Variants in OLFM3 observed in about 807,000 individuals in gnomAD.
OLFM3 encodes olfactomedin 3.
A neutral mutation model predicts 48.6 loss-of-function variants in OLFM3; 20 were observed. The ratio of observed to expected loss-of-function variants is 0.41; its 90% CI spans 0.29 to 0.60. The LOEUF is 0.60. Ranked by LOEUF, OLFM3 falls within the 20% of genes least tolerant of loss-of-function variation. OLFM3 has a pLI of 0.28. For missense variants in OLFM3, 437 were observed against 544.3 expected (o/e 0.80, Z 1.96); for synonymous variants, 222 against 198.1 (o/e 1.12, Z -1.01).
intron 1 of OLFM3, among the ~76,000 whole-genome samples, chr1:101,988,755 G>A (rs1186654055): frequency 6.6e-6 from 1 of 152,024 alleles, no homozygotes; most frequent in Non-Finnish European, 1.5e-5. Context: ...CACTGAACCT[G>A]CCCTTATAAT....
chr1:101,996,303 G>A (rs745769013), intron 1 of OLFM3, among the ~76,000 whole-genome samples: 1 of 152,132 alleles, frequency 6.6e-6, no homozygotes, highest in African/African-American at 2.4e-5. Flanking sequence ...GCACGTCTGC[G>A]ATGGGAGTAT....
At chr1:101,812,829 GT>G in intron 4 of OLFM3, 2 of 991,662 alleles carry the variant, frequency 2.0e-6, no homozygotes, top group Non-Finnish European at 2.4e-6. Context: ...TTTGTACCTG[GT>G]TTTGTGAGGA....
chr1:101,987,782 AG>A (rs1661289388), intron 1 of OLFM3, among the ~76,000 whole-genome samples: 1 of 152,124 alleles, frequency 6.6e-6, no homozygotes, highest in African/African-American at 2.4e-5. Context: ...AAAAATTAAT[AG>A]GCTTGTCTAT....
At chr1:101,845,178 C>A (rs1199142533) in intron 1 of OLFM3, among the ~76,000 whole-genome samples, 3 of 151,224 alleles carry the variant, frequency 2.0e-5, no homozygotes, top group African/African-American at 7.3e-5. Flanking sequence ...TTATTATTTT[C>A]TTATTATTAT....
chr1:101,987,517 A>G (rs879934022), intron 1 of OLFM3, among the ~76,000 whole-genome samples: 4 of 152,174 alleles, frequency 2.6e-5, no homozygotes, highest in Non-Finnish European at 4.4e-5. Context: ...ACTTACGTAC[A>G]TGTAAAAATA....
chr1:101,856,837 G>A (rs1570567241), intron 1 of OLFM3, among the ~76,000 whole-genome samples: 1 of 152,046 alleles, frequency 6.6e-6, no homozygotes, highest in Middle Eastern at 3.4e-3. Flanking sequence ...CAGAATACAA[G>A]TGATTATGTA....
intron 1 of OLFM3, among the ~76,000 whole-genome samples, chr1:101,889,960 C>A (rs1470326785): frequency 6.6e-6 from 1 of 151,858 alleles, no homozygotes; most frequent in Non-Finnish European, 1.5e-5. Flanking sequence ...ATATTGTAAT[C>A]CATATTATAT....
intron 1 of OLFM3, chr1:101,837,560 A>C (rs1185250908): frequency 2.0e-5 from 3 of 152,146 alleles, no homozygotes; most frequent in Non-Finnish European, 1.5e-5. Flanking sequence ...TTAGACCAGC[A>C]CTATTTTGCA....
chr1:101,985,965 A>ATTT (rs397973710), intron 1 of OLFM3, among the ~76,000 whole-genome samples: 8 of 134,924 alleles, frequency 5.9e-5, no homozygotes, highest in Non-Finnish European at 8.0e-5. Context: ...GATGAACTAC[A>ATTT]TTTTTTTTTT....
At chr1:101,940,708 A>ATG (rs1659766876) in intron 1 of OLFM3, among the ~76,000 whole-genome samples, 1 of 150,130 alleles carries the variant, frequency 6.7e-6, no homozygotes, top group African/African-American at 2.4e-5. Context: ...TTTTATATAT[A>ATG]TATATATCTT....
chr1:101,835,217 T>A (rs1159317320), intron 2 of OLFM3, among the ~76,000 whole-genome samples: 1 of 152,236 alleles, frequency 6.6e-6, no homozygotes, highest in East Asian at 1.9e-4. Context: ...CAAAATTGGA[T>A]GTAAAAGATT....
Position 101,846,863 on chromosome 1 carries a change from C to CGG in OLFM3, c.70-9839_70-9838insCC, listed in dbSNP as rs1271642894. 1.9e-6 allele frequency: 3 copies of CGG among 1,611,854 alleles called. No homozygotes were observed. In the African/African-American group the frequency reaches 4.0e-5, roughly 22 times the overall value. ...AACTTACTAAGGTATCCGGAGTCGA[C>CGG]AGCCTCGTGGTGTTCAGTCCCACCA... On this transcript the variant is annotated intron_variant, in intron 1 of 5. Coordinates refer to ENST00000370103, the MANE Select transcript of OLFM3 (RefSeq NM_058170.4).
At chr1:101,963,786 A>T (rs1449477886) in intron 1 of OLFM3, among the ~76,000 whole-genome samples, 1 of 152,082 alleles carries the variant, frequency 6.6e-6, no homozygotes, top group Non-Finnish European at 1.5e-5. Context: ...CTGGAAATCT[A>T]CCCCATTATC....
intron 1 of OLFM3, among the ~76,000 whole-genome samples, chr1:101,887,544 A>C (rs976214770): frequency 6.6e-6 from 1 of 152,028 alleles, no homozygotes; most frequent in Non-Finnish European, 1.5e-5. Context: ...GACATCTCTT[A>C]ATTCAGTTTC....
chr1:101,942,817 T>C (rs1329219300), intron 1 of OLFM3, among the ~76,000 whole-genome samples: 1 of 152,216 alleles, frequency 6.6e-6, no homozygotes, highest in Non-Finnish European at 1.5e-5. Flanking sequence ...CTTGCTTTGT[T>C]CTTACAAAAA....
intron 3 of OLFM3, among the ~76,000 whole-genome samples, chr1:101,830,065 C>T (rs1655073741): frequency 6.6e-6 from 1 of 152,010 alleles, no homozygotes; most frequent in Admixed American, 6.6e-5. Flanking sequence ...GTCTCAATCT[C>T]CTGACCTTGT....
intron 1 of OLFM3, among the ~76,000 whole-genome samples, chr1:101,868,632 A>C (rs1180191761): frequency 3.3e-5 from 5 of 152,248 alleles, no homozygotes; most frequent in Admixed American, 3.3e-4. Flanking sequence ...AGCTGCAGAA[A>C]TTTACATAAG....
chr1:101,896,004 T>TAATAATAAA (rs1553178073), intron 1 of OLFM3, among the ~76,000 whole-genome samples: 27 of 137,934 alleles, frequency 2.0e-4, no homozygotes, highest in African/African-American at 6.8e-4. Flanking sequence ...ATAATAATAA[T>TAATAATAAA]AAAAGTATGC....
chr1:101,895,831 G>A (rs1038889698), intron 1 of OLFM3, among the ~76,000 whole-genome samples: 10 of 152,028 alleles, frequency 6.6e-5, no homozygotes, highest in African/African-American at 2.4e-4. Context: ...AATTTTCAGT[G>A]TTTGTATGAA....
Sources: gnomAD v4.1 joint callset for allele counts (sites outside exome capture counted in the v4.1 genomes callset) on GRCh38, gnomAD v4.1.1 for gene constraint, MANE v1.5 for transcripts, NCBI Gene and HGNC (gene_info 2026-07-23, HGNC 2026-07-21) for gene names.